The following STYXL2 variants were observed in gnomAD, a reference collection of about 807,000 sequenced individuals.
STYXL2 encodes serine/threonine/tyrosine interacting like 2.
STYXL2 carries 44 observed loss-of-function variants against 52.4 expected under a neutral mutation model. That is an observed-to-expected ratio of 0.84 (90% CI 0.66 to 1.08). The LOEUF (loss-of-function observed/expected upper bound fraction) is 1.08. Among genes scored for constraint, STYXL2 ranks in the 50% least tolerant of loss-of-function variants. The pLI is 0.00. For synonymous variants in STYXL2, 604 were observed against 586.9 expected, an observed-to-expected ratio of 1.03 and a Z score of -0.42; for missense variants, 1,604 against 1,471.7, an observed-to-expected ratio of 1.09 and a Z score of -1.47.
chr1:167,096,906 G>A (rs1053182155), intron 2 of STYXL2, among the ~76,000 whole-genome samples: 1 of 152,184 alleles, frequency 6.6e-6, no homozygotes, highest in Non-Finnish European at 1.5e-5. Flanking sequence ...TTCCAGGCTA[G>A]GTTCTCCAAT....
Position 167,119,416 on chromosome 1 carries a change from A to G in STYXL2, c.605A>G (p.His202Arg), listed in dbSNP as rs1558024363. 3 of 1,614,088 alleles carry G rather than the reference A, an allele frequency of 1.9e-6. No individual in the cohort carries two copies. The African/African-American group carries it at 4.0e-5, about 22-fold the overall frequency. The part of the protein sequence containing the change: ...DDFPEVDISQ[H>R]FRKASEFLDE... ...TTTCCTGAGGTGGACATTTCCCAGC[A>G]TTTCCGGAAGGCGTCTGAGTTCCTG... Residue 202 changes from histidine (H) to arginine (R), a missense_variant, in exon 5 of 6, where the codon CAT becomes CGT. Coordinates refer to ENST00000361200, the MANE Select transcript of STYXL2 (RefSeq NM_001080426.3).
chr1:167,119,423 G>A lies in STYXL2; in HGVS notation c.612G>A (p.Arg204=), dbSNP rs1213037270. The A allele has an allele frequency of 2.5e-6, 4 of 1,614,224 alleles. No homozygotes were observed. In the South Asian group the frequency reaches 3.3e-5, roughly 13 times the overall value. Residue 204 remains arginine, a synonymous_variant, in exon 5 of 6, where the codon CGG becomes CGA. Transcript: ENST00000361200. ...FPEVDISQHF[R]KASEFLDEAL... is the part of the protein sequence containing the mutation. ...AGGTGGACATTTCCCAGCATTTCCGGAAGGCGTCTGAGTTCCTGGATGAGG... is the reference window on the plus strand; with the variant it reads ...AGGTGGACATTTCCCAGCATTTCCGAAAGGCGTCTGAGTTCCTGGATGAGG...
intron 1 of STYXL2, 22 bp from the exon 2 acceptor site, chr1:167,094,812 C>T (rs773555482): frequency 9.0e-6 from 14 of 1,564,064 alleles, no homozygotes; most frequent in Non-Finnish European, 1.2e-5. Flanking sequence ...CCCTAACTGC[C>T]TTTTTCTTGC....
At chr1:167,125,504 T>C (rs1023309372) in intron 5 of STYXL2, among the ~76,000 whole-genome samples, 4 of 152,202 alleles carry the variant, frequency 2.6e-5, no homozygotes, top group Non-Finnish European at 4.4e-5. Flanking sequence ...CCCCTGTTCT[T>C]GTATTTCTCC....
At chr1:167,100,819 T>C (rs1667387910) in intron 2 of STYXL2, among the ~76,000 whole-genome samples, 1 of 152,246 alleles carries the variant, frequency 6.6e-6, no homozygotes, top group Non-Finnish European at 1.5e-5. Flanking sequence ...CCAAATCATC[T>C]AGCCCTTTTC....
intron 2 of STYXL2, among the ~76,000 whole-genome samples, chr1:167,102,028 G>A (rs1026747140): frequency 9.2e-5 from 14 of 151,982 alleles, no homozygotes; most frequent in Non-Finnish European, 2.1e-4. Flanking sequence ...TAATTACACT[G>A]CTTGAAAGTC....
chr1:167,117,654 T>G, intron 4 of STYXL2, 95 bp downstream of exon 4: 1 of 1,157,266 alleles, frequency 8.6e-7, no homozygotes, highest in Non-Finnish European at 1.2e-6. Flanking sequence ...AAGGCGCCCA[T>G]AGGTCCATCC....
chr1:167,103,823 C>T (rs549348280), intron 2 of STYXL2, among the ~76,000 whole-genome samples: 140 of 152,292 alleles, frequency 9.2e-4, no homozygotes, highest in African/African-American at 3.3e-3. Context: ...CAAATACAGC[C>T]TAAGAAGTAA....
intron 2 of STYXL2, among the ~76,000 whole-genome samples, chr1:167,109,479 A>T (rs114419731): frequency 0.034 from 5,213 of 151,752 alleles, 315 homozygotes; most frequent in African/African-American, 0.12. Flanking sequence ...TGGGAACATA[A>T]CTCCTTTGGC....
At chr1:167,113,475 G>A (rs1667658016) in intron 2 of STYXL2, among the ~76,000 whole-genome samples, 1 of 152,212 alleles carries the variant, frequency 6.6e-6, no homozygotes, top group Non-Finnish European at 1.5e-5. Flanking sequence ...AGACCACCAT[G>A]TCATTAAACA....
rs922092888 is a variant in STYXL2 at position 167,125,781 on chromosome 1, T to A, written c.656-6T>A. 16 of 1,573,802 alleles carry A rather than the reference T, an allele frequency of 1.0e-5. No homozygotes were observed. The highest frequency in any genetic ancestry group is 1.4e-5 in the African/African-American group (1 of 72,892). On this transcript the variant is annotated splice_polypyrimidine_tract_variant and splice_region_variant and intron_variant, in intron 5 of 5. Coordinates refer to ENST00000361200, the MANE Select transcript of STYXL2 (RefSeq NM_001080426.3). ...TACATCATTTTCTCTTGTGTTTTCATTTCAGGGAAAGTCCTGGTCAGCAGC... is the reference window on the plus strand; with the variant it reads ...TACATCATTTTCTCTTGTGTTTTCAATTCAGGGAAAGTCCTGGTCAGCAGC...
intron 2 of STYXL2, among the ~76,000 whole-genome samples, chr1:167,099,120 G>A (rs1406610930): frequency 6.6e-6 from 1 of 151,604 alleles, no homozygotes. Flanking sequence ...TCACCAAAAA[G>A]ATAAAATAAT....
Position 167,126,583 on chromosome 1 carries a change from G to A in STYXL2, c.1452G>A (p.Leu484=), listed in dbSNP as rs766387648. 1.2e-6 allele frequency: 2 copies of A among 1,614,078 alleles called. No homozygotes were observed. The highest frequency in any genetic ancestry group is 1.7e-6 in the Non-Finnish European group (2 of 1,180,020). Residue 484 remains leucine (L), a synonymous_variant, in exon 6 of 6, where the codon CTG becomes CTA. Coordinates refer to ENST00000361200, the MANE Select transcript of STYXL2 (RefSeq NM_001080426.3). ...ESTWDAWNER[L]LEIEKEASRR... is the part of the protein sequence containing the mutation. ...CCTGGGACGCATGGAACGAGAGGCTGCTGGAGATTGAGAAGGAGGCTTCCC... is the reference window on the plus strand; with the variant it reads ...CCTGGGACGCATGGAACGAGAGGCTACTGGAGATTGAGAAGGAGGCTTCCC...
chr1:167,099,948 G>A (rs1027421888), intron 2 of STYXL2, among the ~76,000 whole-genome samples: 2 of 152,170 alleles, frequency 1.3e-5, no homozygotes, highest in African/African-American at 2.4e-5. Flanking sequence ...TGCCTGTCTT[G>A]GTCTCTTTTC....
In STYXL2 at chr1:167,128,168, A is replaced by G; in HGVS notation, c.3037A>G (p.Arg1013Gly). The change falls in exon 6 of 6, where the codon AGG becomes GGG. Residue 1013 changes from arginine (R) to glycine (G), a missense_variant. Physicochemically the swap from Arg to Gly is moderately radical, Grantham distance 125. Transcript: ENST00000361200. ...STSRFSSSST[R>G]EGREMHKFSR... Reference sequence around the variant, plus strand: ...TTCACGGTTCTCATCTTCCTCCACCAGGGAGGGCAGAGAGATGCACAAGTT... The same window carrying G: ...TTCACGGTTCTCATCTTCCTCCACCGGGGAGGGCAGAGAGATGCACAAGTT... 1 of 1,614,232 alleles carries G rather than the reference A, an allele frequency of 6.2e-7. No individual in the cohort carries two copies.
intron 4 of STYXL2, among the ~76,000 whole-genome samples, chr1:167,119,026 G>A (rs544496120): frequency 4.0e-4 from 61 of 152,126 alleles, no homozygotes; most frequent in Non-Finnish European, 7.8e-4. Context: ...TCTTCATCTC[G>A]CCCTTCCTTG....
Position 167,128,132 on chromosome 1 carries a change from G to C in STYXL2, c.3001G>C (p.Val1001Leu). ...SSYHEANGNS[V>L]RSTSRFSSSS... is the part of the protein sequence containing the mutation. ...CTACCACGAGGCAAATGGCAACTCT[G>C]TAAGAAGCACTTCACGGTTCTCATC... Residue 1001 changes from valine to leucine, a missense_variant, in exon 6 of 6, where the codon GTA (valine) becomes CTA (leucine). Coordinates refer to ENST00000361200, the MANE Select transcript of STYXL2 (RefSeq NM_001080426.3). The C allele has an allele frequency of 6.2e-7, 1 of 1,614,208 alleles. No individual in the cohort carries two copies. The highest frequency in any genetic ancestry group is 8.5e-7 in the Non-Finnish European group (1 of 1,180,044).
intron 2 of STYXL2, among the ~76,000 whole-genome samples, chr1:167,096,371 G>A (rs141647133): frequency 1.2e-3 from 180 of 152,268 alleles, no homozygotes; most frequent in Non-Finnish European, 1.9e-3. Context: ...GGCAGAGGTC[G>A]CTTCGTGTGT....
intron 2 of STYXL2, among the ~76,000 whole-genome samples, chr1:167,108,480 C>CACAGAAAATGCTTG (rs1406940546): frequency 2.0e-5 from 3 of 152,298 alleles, no homozygotes; most frequent in South Asian, 2.1e-4. Context: ...TGCATCTTTT[C>CACAGAAAATGCTTG]GTCACAGAAA....
Sources: allele counts gnomAD v4.1 joint callset (sites outside exome capture counted in the v4.1 genomes callset), GRCh38; gene constraint gnomAD v4.1.1; transcripts MANE v1.5; gene names NCBI Gene and HGNC (gene_info 2026-07-23, HGNC 2026-07-21).